The following LUC7L3 variants were observed in gnomAD, a reference collection of about 807,000 sequenced individuals.
LUC7L3 encodes luc7-like protein 3.
In LUC7L3, 6 loss-of-function variants were observed where a neutral mutation model predicts 66.8. The observed-to-expected ratio is 0.09, with a 90% CI of 0.05 to 0.18. The LOEUF (loss-of-function observed/expected upper bound fraction) is 0.18, where lower values mean the gene tolerates loss of function less well. Ranked by LOEUF, LUC7L3 falls within the 10% of genes least tolerant of loss-of-function variation. The pLI is 1.00. For synonymous variants in LUC7L3, 160 were observed against 174.7 expected (o/e 0.92, Z 0.66); for missense variants, 341 against 531.1 (o/e 0.64, Z 3.52).
chr17:50,751,168 T>C lies in LUC7L3; in HGVS notation c.*507T>C. On this transcript the variant is annotated 3_prime_UTR_variant, in exon 10 of 10. Coordinates refer to ENST00000505658, the MANE Select transcript of LUC7L3 (RefSeq NM_016424.5). ...GCTAGTATTTCTTTGTCAAGGATGT[T>C]TCTAGTTTTTTGCTTTATTGCCTTG... 2 of 1,481,458 alleles carry C rather than the reference T, an allele frequency of 1.4e-6. No individual in the cohort carries two copies. Among genetic ancestry groups the C allele is most frequent in the Non-Finnish European group, 1.8e-6 (2 of 1,118,382 alleles). 91.8% of individuals were successfully genotyped at this position (1,481,458 alleles called of 1,614,324 possible). A position where few individuals can be genotyped will look rare whatever the true frequency, so the allele number is the denominator to read the frequency against.
intron 2 of LUC7L3, among the ~76,000 whole-genome samples, chr17:50,739,844 C>A (rs72839274): frequency 0.11 from 16,109 of 152,006 alleles, 1,520 homozygotes; most frequent in African/African-American, 0.26. Context: ...GAGGTAAATT[C>A]GGGAAGAAAT....
intron 2 of LUC7L3, among the ~76,000 whole-genome samples, chr17:50,737,673 T>A (rs1161394050): frequency 6.6e-6 from 1 of 152,088 alleles, no homozygotes; most frequent in Non-Finnish European, 1.5e-5. Flanking sequence ...CCCCCTGTTG[T>A]GACACCCCAA....
At position 50,752,109 on chromosome 17, in the gene LUC7L3, A is replaced by G. The variant is rs1971000289; in HGVS notation, c.*1448A>G. On this transcript the variant is annotated 3_prime_UTR_variant, in exon 10 of 10. Coordinates refer to ENST00000505658, the MANE Select transcript of LUC7L3 (RefSeq NM_016424.5). ...AGCATTCCATGTACACATGTTAATTAGCAGTTAGTGACTGGGCCAACACTT... is the reference window on the plus strand; with the variant it reads ...AGCATTCCATGTACACATGTTAATTGGCAGTTAGTGACTGGGCCAACACTT... 14 of 1,258,684 alleles carry G rather than the reference A, an allele frequency of 1.1e-5. No homozygotes were observed. Among genetic ancestry groups the G allele is most frequent in the Non-Finnish European group, 1.0e-6 (1 of 975,982 alleles). 78.0% of individuals were successfully genotyped at this position (1,258,684 alleles called of 1,614,324 possible).
In LUC7L3 at chr17:50,741,669, A is replaced by G. The variant is rs1970357222; in HGVS notation, c.364A>G (p.Thr122Ala). Residue 122 changes from threonine (T) to alanine (A), a missense_variant, in exon 5 of 10, where the codon ACA becomes GCA. Transcript: ENST00000505658. Reference sequence around the variant, plus strand: ...TTGTCTTCAATAGGCCGCTGGCCCAACAGGCAAAAATGAAGAAAAAATTCA... The same window carrying G: ...TTGTCTTCAATAGGCCGCTGGCCCAGCAGGCAAAAATGAAGAAAAAATTCA... ...NQQSSGAAGP[T>A]GKNEEKIQVL... 18 of 1,613,476 alleles carry G rather than the reference A, an allele frequency of 1.1e-5. No individual in the cohort carries two copies. Among genetic ancestry groups the G allele is most frequent in the Middle Eastern group, 1.6e-4 (1 of 6,080 alleles).
intron 9 of LUC7L3, chr17:50,749,398 T>C (rs570617419): frequency 1.6e-6 from 2 of 1,241,392 alleles, no homozygotes; most frequent in Middle Eastern, 2.5e-4. Flanking sequence ...CAGACAGACA[T>C]GAAGCAAGTC....
intron 1 of LUC7L3, among the ~76,000 whole-genome samples, chr17:50,726,433 A>G (rs966015623): frequency 1.3e-5 from 2 of 152,120 alleles, no homozygotes; most frequent in East Asian, 1.9e-4. Flanking sequence ...TGGCCTCCCA[A>G]AGTGCTGGGA....
At chr17:50,726,879 A>C (rs1371508453) in intron 1 of LUC7L3, among the ~76,000 whole-genome samples, 1 of 152,084 alleles carries the variant, frequency 6.6e-6, no homozygotes, top group East Asian at 1.9e-4. Context: ...ACTTGAGGTC[A>C]GGAGTTGGAG....
intron 1 of LUC7L3, chr17:50,723,400 A>G (rs929119283): frequency 1.3e-5 from 2 of 152,348 alleles, no homozygotes; most frequent in Non-Finnish European, 2.9e-5. Context: ...GACACTGAAA[A>G]GTTGTTTAGA....
At chr17:50,736,064 C>T (rs561421195) in intron 1 of LUC7L3, among the ~76,000 whole-genome samples, 88 of 152,256 alleles carry the variant, frequency 5.8e-4, no homozygotes, top group African/African-American at 2.0e-3. Context: ...ACCTGGGAGG[C>T]GGAGCTTGCA....
chr17:50,727,052 G>T (rs574190488), intron 1 of LUC7L3, among the ~76,000 whole-genome samples: 1 of 151,966 alleles, frequency 6.6e-6, no homozygotes, highest in Non-Finnish European at 1.5e-5. Context: ...TCATGCCACC[G>T]CACTCCAGCC....
chr17:50,736,907 A>G lies in LUC7L3; in HGVS notation c.100-53A>G. 5 of 1,100,472 alleles carry G rather than the reference A, an allele frequency of 4.5e-6. No individual in the cohort carries two copies. The Admixed American group carries it at 7.6e-5, about 17-fold the overall frequency. The allele number at this position is 1,100,472 out of a possible 1,614,324, so 68.2% of individuals were successfully genotyped here. On this transcript the variant is annotated intron_variant, in intron 1 of 9. Coordinates refer to ENST00000505658, the MANE Select transcript of LUC7L3 (RefSeq NM_016424.5). Reference sequence around the variant, plus strand: ...AATAGTTATTTGGCACCTTTCTCCAATAAAGTTTTAAAACCAAGCAATTTT... The same window carrying G: ...AATAGTTATTTGGCACCTTTCTCCAGTAAAGTTTTAAAACCAAGCAATTTT...
intron 1 of LUC7L3, among the ~76,000 whole-genome samples, chr17:50,724,679 CAAAAG>C (rs1969047826): frequency 6.7e-6 from 1 of 150,284 alleles, no homozygotes; most frequent in Non-Finnish European, 1.5e-5. Flanking sequence ...GATTTCCTCA[CAAAAG>C]GAGAAGGTAG....
Position 50,752,811 on chromosome 17 carries a change from TTC to T in LUC7L3, c.*2152_*2153del, listed in dbSNP as rs1458563896. The T allele has an allele frequency of 6.6e-6, 1 of 152,200 alleles. No homozygotes were observed. The allele number at this position is 152,200 out of a possible 1,614,324, so 9.4% of individuals were successfully genotyped here. A position where few individuals can be genotyped will look rare whatever the true frequency, so the allele number is the denominator to read the frequency against. ...TGTTTAAGACTAATTTTTATAGACT[TTC>T]TAATGTTTTAAATAATGGTGCTTCA... On this transcript the variant is annotated 3_prime_UTR_variant, in exon 10 of 10. Coordinates refer to ENST00000505658, the MANE Select transcript of LUC7L3 (RefSeq NM_016424.5).
intron 7 of LUC7L3, 25 bp from the exon 8 acceptor site, chr17:50,745,695 T>C: frequency 6.4e-7 from 1 of 1,559,482 alleles, no homozygotes; most frequent in Non-Finnish European, 8.6e-7. Context: ...TACATTTGCA[T>C]AAGAATCCAA....
intron 2 of LUC7L3, among the ~76,000 whole-genome samples, chr17:50,739,744 C>T (rs1970228160): frequency 6.6e-6 from 1 of 152,128 alleles, no homozygotes; most frequent in African/African-American, 2.4e-5. Context: ...ATAGTACTTG[C>T]ATAATATAAG....
chr17:50,751,002 T>A lies in LUC7L3; in HGVS notation c.*341T>A. 6.9e-7 allele frequency: 1 copy of A among 1,452,906 alleles called. No individual in the cohort carries two copies. The highest frequency in any genetic ancestry group is 9.0e-7 in the Non-Finnish European group (1 of 1,111,390). The allele number at this position is 1,452,906 out of a possible 1,614,324, so 90.0% of individuals were successfully genotyped here. A position where few individuals can be genotyped will look rare whatever the true frequency, so the allele number is the denominator to read the frequency against. ...GATTTTGATGTCATTTCTTTTTTTT[T>A]TTTAATAAAAAGGTTGAACTGTTTT... On this transcript the variant is annotated 3_prime_UTR_variant, in exon 10 of 10. Coordinates refer to ENST00000505658, the MANE Select transcript of LUC7L3 (RefSeq NM_016424.5).
intron 1 of LUC7L3, among the ~76,000 whole-genome samples, chr17:50,735,439 C>G (rs79860219): frequency 0.025 from 3,779 of 152,156 alleles, 155 homozygotes; most frequent in African/African-American, 0.086. Flanking sequence ...TTAAATTTAA[C>G]ACTGCCTTTT....
At chr17:50,726,596 T>C (rs1388417796) in intron 1 of LUC7L3, among the ~76,000 whole-genome samples, 2 of 152,200 alleles carry the variant, frequency 1.3e-5, no homozygotes, top group African/African-American at 2.4e-5. Flanking sequence ...TTGCTTGATA[T>C]GTACGATAGA....
At chr17:50,731,181 C>A (rs929801468) in intron 1 of LUC7L3, among the ~76,000 whole-genome samples, 3 of 152,036 alleles carry the variant, frequency 2.0e-5, no homozygotes, top group African/African-American at 4.8e-5. Flanking sequence ...TGGGTTTATT[C>A]TTTTTTTGAG....
Sources: gnomAD v4.1 joint callset for allele counts (sites outside exome capture counted in the v4.1 genomes callset) on GRCh38, gnomAD v4.1.1 for gene constraint, MANE v1.5 for transcripts, NCBI Gene and HGNC (gene_info 2026-07-23, HGNC 2026-07-21) for gene names.